HIF1A: variants seen among roughly 807,000 people sequenced by gnomAD.
The protein encoded by HIF1A is hypoxia-inducible factor 1-alpha.
In HIF1A, 24 loss-of-function variants were observed where a neutral mutation model predicts 92.7. The observed-to-expected ratio is 0.26, with a 90% CI of 0.19 to 0.36. The LOEUF (loss-of-function observed/expected upper bound fraction) is 0.36, where lower values mean the gene tolerates loss of function less well. HIF1A is among the 10% of genes least tolerant of loss of function. The pLI is 1.00. For missense variants in HIF1A, 799 were observed against 998.5 expected (o/e 0.80, Z 2.69); for synonymous variants, 319 against 338.7 (o/e 0.94, Z 0.64).
intron 1 of HIF1A, among the ~76,000 whole-genome samples, chr14:61,706,531 G>T (rs1311995541): frequency 1.3e-5 from 2 of 152,132 alleles, no homozygotes; most frequent in Non-Finnish European, 2.9e-5. Context: ...GACAAACATG[G>T]TATGTTATAG....
chr14:61,717,212 A>G (rs544973686), intron 1 of HIF1A, among the ~76,000 whole-genome samples: 1 of 152,306 alleles, frequency 6.6e-6, no homozygotes, highest in African/African-American at 2.4e-5. Flanking sequence ...CAGTACTGTA[A>G]TTCTGTGGTA....
chr14:61,720,924 TC>T (rs1226071441), intron 2 of HIF1A, among the ~76,000 whole-genome samples: 1 of 152,178 alleles, frequency 6.6e-6, no homozygotes, highest in African/African-American at 2.4e-5. Flanking sequence ...TTTCTCCTGT[TC>T]CATCTACCTT....
chr14:61,737,797 C>T (rs575965781), intron 9 of HIF1A, among the ~76,000 whole-genome samples: 83 of 152,200 alleles, frequency 5.5e-4, no homozygotes, highest in Admixed American at 9.8e-4. Context: ...GAGGCCGAGG[C>T]GGGTGGATCA....
At chr14:61,718,032 A>G (rs190400888) in intron 1 of HIF1A, among the ~76,000 whole-genome samples, 7 of 151,924 alleles carry the variant, frequency 4.6e-5, no homozygotes, top group Admixed American at 4.6e-4. Context: ...AAAAAAAAAA[A>G]AGCATATATA....
At chr14:61,699,242 G>A (rs1209335626) in intron 1 of HIF1A, among the ~76,000 whole-genome samples, 1 of 152,170 alleles carries the variant, frequency 6.6e-6, no homozygotes, top group Non-Finnish European at 1.5e-5. Context: ...AGAAAGTATT[G>A]GAGTTCATTC....
At chr14:61,745,550 TAAGA>T (rs773419998) in intron 13 of HIF1A, 137 bp from the exon 14 acceptor site, 44 of 717,202 alleles carry the variant, frequency 6.1e-5, no homozygotes, top group African/African-American at 4.3e-4. Context: ...ACAAATAACT[TAAGA>T]AAGAATTCAA....
intron 1 of HIF1A, chr14:61,699,053 A>C (rs1231478378): frequency 6.6e-6 from 1 of 152,240 alleles, no homozygotes; most frequent in Non-Finnish European, 1.5e-5. Context: ...TAAAGCAGCT[A>C]CGTGGTAGAA....
At chr14:61,713,139 AATG>A (rs1245601363) in intron 1 of HIF1A, among the ~76,000 whole-genome samples, 1 of 152,176 alleles carries the variant, frequency 6.6e-6, no homozygotes, top group African/African-American at 2.4e-5. Flanking sequence ...GAATGTGGAA[AATG>A]ATGAGGATAA....
At chr14:61,734,045 A>C in intron 7 of HIF1A, 93 bp from the exon 8 acceptor site, 1 of 861,640 alleles carries the variant, frequency 1.2e-6, no homozygotes, top group East Asian at 3.0e-5. Flanking sequence ...TTGTTTTCCA[A>C]AACAATGATG....
chr14:61,738,147 C>T lies in HIF1A; in HGVS notation c.1310C>T (p.Pro437Leu). 6.2e-7 allele frequency: 1 copy of T among 1,613,830 alleles called. No individual in the cohort carries two copies. Residue 437 changes from proline to leucine, a missense_variant, in exon 10 of 15, where the codon CCC becomes CTC. By Grantham distance (98) the Pro-to-Leu change is moderately conservative (BLOSUM62 -3). Around this residue, in one of 2 missense-constraint regions of HIF1A, gnomAD observed 516 missense variants for 721.0 expected, o/e 0.72. Transcript: ENST00000337138. The stretch of plus-strand genomic sequence containing the variant: ...CCATTATATAATGATGTAATGCTCC[C>T]CTCACCCAACGAAAAATTACAGAAT... ...EVPLYNDVML[P>L]SPNEKLQNIN...
intron 14 of HIF1A, 24 bp from the exon 15 acceptor site, chr14:61,746,910 T>A: frequency 6.4e-7 from 1 of 1,568,278 alleles, no homozygotes; most frequent in Non-Finnish European, 8.7e-7. Context: ...GAATGTATAC[T>A]TAGGTATCTC....
chr14:61,703,493 A>T (rs2044200825), intron 1 of HIF1A, among the ~76,000 whole-genome samples: 1 of 152,096 alleles, frequency 6.6e-6, no homozygotes, highest in South Asian at 2.1e-4. Flanking sequence ...TTTTGTCTTG[A>T]TATTACTTGG....
intron 6 of HIF1A, among the ~76,000 whole-genome samples, chr14:61,728,180 CAG>C (rs1260182312): frequency 6.6e-6 from 1 of 152,086 alleles, no homozygotes; most frequent in Non-Finnish European, 1.5e-5. Flanking sequence ...AGGTGCTATC[CAG>C]AAGTTAAGAT....
intron 10 of HIF1A, among the ~76,000 whole-genome samples, chr14:61,739,155 T>A (rs1488638240): frequency 6.6e-6 from 1 of 152,222 alleles, no homozygotes; most frequent in African/African-American, 2.4e-5. Context: ...CTAATTTCCA[T>A]CACTATTTTG....
At position 61,739,031 on chromosome 14, in the gene HIF1A, G is replaced by A. The variant is rs531064517; in HGVS notation, c.1536+658G>A. ...CTCCCAAAGTACTAGGATTACAGGC[G>A]TGAGCTACCATGCCTGGCCCATTAC... On this transcript the variant is annotated intron_variant, in intron 10 of 14. Coordinates refer to ENST00000337138, the MANE Select transcript of HIF1A (RefSeq NM_001530.4). 3.7e-4 allele frequency among the ~76,000 whole-genome samples: 56 copies of A among 152,236 alleles called. No homozygotes were observed. The South Asian group carries it at 0.011, about 29-fold the overall frequency.
intron 2 of HIF1A, 46 bp downstream of exon 2, chr14:61,720,618 T>C (rs1206644641): frequency 6.0e-6 from 7 of 1,162,994 alleles, no homozygotes; most frequent in Non-Finnish European, 4.8e-6. Flanking sequence ...AATTAGAAGT[T>C]AGAAGTAAAT....
chr14:61,722,816 TTAAAAA>T (rs1338288558), intron 4 of HIF1A, among the ~76,000 whole-genome samples: 2 of 152,364 alleles, frequency 1.3e-5, no homozygotes, highest in Non-Finnish European at 2.9e-5. Context: ...GAATTAATTG[TTAAAAA>T]TAATCAAGTG....
intron 1 of HIF1A, among the ~76,000 whole-genome samples, chr14:61,704,966 G>A (rs1326440553): frequency 6.6e-6 from 1 of 152,012 alleles, no homozygotes; most frequent in Non-Finnish European, 1.5e-5. Context: ...CAGACTTTTG[G>A]GTTTAAGTTT....
At chr14:61,720,100 C>G (rs2044408765) in intron 1 of HIF1A, among the ~76,000 whole-genome samples, 1 of 152,166 alleles carries the variant, frequency 6.6e-6, no homozygotes, top group Admixed American at 6.5e-5. Context: ...AAAACATTCT[C>G]TCCAATTACA....
Sources: gnomAD v4.1 joint callset for allele counts (sites outside exome capture counted in the v4.1 genomes callset) on GRCh38, gnomAD v4.1.1 for gene constraint, gnomAD v4.1.1 regional missense constraint, MANE v1.5 for transcripts, NCBI Gene and HGNC (gene_info 2026-07-23, HGNC 2026-07-21) for gene names.